TEX15: variants seen among roughly 807,000 people sequenced by gnomAD.
TEX15 encodes testis-expressed protein 15.
In TEX15, 171 loss-of-function variants were observed where a neutral mutation model predicts 237.3. The observed-to-expected ratio is 0.72, with a 90% CI of 0.64 to 0.82. The LOEUF (loss-of-function observed/expected upper bound fraction) is 0.82, where lower values mean the gene tolerates loss of function less well. TEX15 is among the 40% of genes least tolerant of loss of function. TEX15 has a pLI of 0.00. For synonymous variants in TEX15, 1,338 were observed against 1,269.8 expected (o/e 1.05, Z -1.14); for missense variants, 3,750 against 3,646.5 (o/e 1.03, Z -0.73).
chr8:30,845,810 C>A lies in TEX15; in HGVS notation c.4357G>T (p.Asp1453Tyr). 1 of 1,608,948 alleles carries A rather than the reference C, an allele frequency of 6.2e-7. No homozygotes were observed. Among genetic ancestry groups the A allele is most frequent in the South Asian group, 1.1e-5 (1 of 89,370 alleles). ...GGAGCTCTTTTCTTTCTCCGTTTGT[C>A]ATATTTTCTTTTTGACGAAAAATGC... ...TKHFSSKRKY[D>Y]KRRKKRAPKA... Residue 1453 changes from aspartate (D) to tyrosine (Y), a missense_variant, in exon 8 of 11, where the codon GAC becomes TAC. Coordinates refer to ENST00000643185, the MANE Select transcript of TEX15 (RefSeq NM_001350162.2).
Position 30,843,614 on chromosome 8 carries a change from C to A in TEX15, c.6553G>T (p.Asp2185Tyr), listed in dbSNP as rs754802025. The change falls in exon 8 of 11, where the codon GAT (aspartate) becomes TAT (tyrosine). Residue 2185 changes from aspartate (D) to tyrosine (Y), a missense_variant. By Grantham distance (160) the Asp-to-Tyr change is radical (BLOSUM62 -3). Coordinates refer to ENST00000643185, the MANE Select transcript of TEX15 (RefSeq NM_001350162.2). ...ACAGAAAGAGAAAAATCAAAGCAAT[C>A]GGAACAATGCTCCATTATGGCTTCA... ...ECEAIMEHCS[D>Y]CFDFSLSVPF... The A allele has an allele frequency of 3.7e-6, 6 of 1,612,806 alleles. No homozygotes were observed. In the South Asian group the frequency reaches 5.5e-5, roughly 15 times the overall value.
At chr8:30,864,552 T>C (rs1808117341) in intron 5 of TEX15, among the ~76,000 whole-genome samples, 2 of 151,018 alleles carry the variant, frequency 1.3e-5, no homozygotes, top group Admixed American at 6.6e-5. Context: ...GAAAAAGGTT[T>C]TACTGTAGCC....
Position 30,858,965 on chromosome 8 carries a change from C to T in TEX15, c.688-135G>A, listed in dbSNP as rs556748036. 8 of 573,918 alleles carry T rather than the reference C, an allele frequency of 1.4e-5. 1 individual carries two copies. The South Asian group carries it at 3.4e-4, about 24-fold the overall frequency. 35.6% of individuals were successfully genotyped at this position (573,918 alleles called of 1,614,324 possible). A position where few individuals can be genotyped will look rare whatever the true frequency, so the allele number is the denominator to read the frequency against. On this transcript the variant is annotated intron_variant, in intron 6 of 10. Coordinates refer to ENST00000643185, the MANE Select transcript of TEX15 (RefSeq NM_001350162.2). ...AAACTTCTCCAGCTGCCTTGTTTAA[C>T]CCTAATGTTTTTGAAGATGTACAGA...
chr8:30,875,801 T>C (rs1808388933), intron 3 of TEX15, among the ~76,000 whole-genome samples: 1 of 151,708 alleles, frequency 6.6e-6, no homozygotes, highest in Admixed American at 6.6e-5. Flanking sequence ...ACTGTGGGCA[T>C]CTGGTCAATT....
intron 4 of TEX15, among the ~76,000 whole-genome samples, chr8:30,871,952 T>C (rs1157920662): frequency 6.6e-6 from 1 of 152,096 alleles, no homozygotes; most frequent in Non-Finnish European, 1.5e-5. Flanking sequence ...TGCTAACAAT[T>C]GTCAGTATTA....
Position 30,844,927 on chromosome 8 carries a change from G to A in TEX15, c.5240C>T (p.Ser1747Phe), listed in dbSNP as rs755664225. The change falls in exon 8 of 11, where the codon TCT becomes TTT. Residue 1747 changes from serine (S) to phenylalanine (F), a missense_variant. Physicochemically the swap from Ser to Phe is radical, Grantham distance 155. Coordinates refer to ENST00000643185, the MANE Select transcript of TEX15 (RefSeq NM_001350162.2). ...TGGTACAGTACTGGATGCTGCAAAAGAATCTACAGTAAGAATTCTCTGCTT... is the reference window on the plus strand; with the variant it reads ...TGGTACAGTACTGGATGCTGCAAAAAAATCTACAGTAAGAATTCTCTGCTT... ...LDKQRILTVDSFAASSTVPHC... is the reference protein window; with the variant it reads ...LDKQRILTVDFFAASSTVPHC... 3.1e-6 allele frequency: 5 copies of A among 1,613,328 alleles called. No individual in the cohort carries two copies. The highest frequency in any genetic ancestry group is 1.6e-4 in the Middle Eastern group (1 of 6,084).
At chr8:30,888,922 G>T (rs1808723974) in intron 2 of TEX15, among the ~76,000 whole-genome samples, 1 of 152,184 alleles carries the variant, frequency 6.6e-6, no homozygotes, top group Non-Finnish European at 1.5e-5. Context: ...AGACAATAGT[G>T]GGGTACTGCT....
intron 10 of TEX15, among the ~76,000 whole-genome samples, chr8:30,835,242 T>C (rs1454350322): frequency 6.6e-6 from 1 of 152,068 alleles, no homozygotes; most frequent in Non-Finnish European, 1.5e-5. Context: ...GTAGCTGGGA[T>C]TACAGGTGTG....
rs1429105226 is a variant in TEX15, at chr8:30,848,915, TGTG to T, written c.1249_1251del (p.His417del). ...GTGACTGTGCTTGAGCCAGTATTGT[TGTG>T]AAGAGGAAAAGAAGCATTAAGACCA... is the stretch of plus-strand genomic sequence containing the variant. On this transcript the variant is annotated inframe_deletion, in exon 8 of 11. Transcript: ENST00000643185. The T allele has an allele frequency of 7.4e-6, 12 of 1,614,094 alleles. No individual in the cohort carries two copies. The highest frequency in any genetic ancestry group is 6.7e-5 in the Admixed American group (4 of 60,010).
chr8:30,872,574 G>A (rs2128772792), intron 4 of TEX15, among the ~76,000 whole-genome samples: 1 of 152,118 alleles, frequency 6.6e-6, no homozygotes, highest in East Asian at 1.9e-4. Flanking sequence ...TATTCCTGAA[G>A]AAGGCATTGT....
At chr8:30,898,378 CAAT>C (rs1808947142) in intron 2 of TEX15, among the ~76,000 whole-genome samples, 1 of 152,074 alleles carries the variant, frequency 6.6e-6, no homozygotes, top group South Asian at 2.1e-4. Flanking sequence ...TTCCACCACG[CAAT>C]AACACAATGA....
rs117362953 is a variant in TEX15 at position 30,845,223 on chromosome 8, G to C, written c.4944C>G (p.Asp1648Glu). The change falls in exon 8 of 11, where the codon GAC (aspartate) becomes GAG (glutamate). Residue 1648 changes from aspartate to glutamate, a missense_variant. By Grantham distance (45) the Asp-to-Glu change is conservative (BLOSUM62 2). Coordinates refer to ENST00000643185, the MANE Select transcript of TEX15 (RefSeq NM_001350162.2). ...TCIGHTKAKTDVLISVLDSNV... is the reference protein window; with the variant it reads ...TCIGHTKAKTEVLISVLDSNV... ...TTGAATCTAAGACTGATATAAGTACGTCAGTTTTCGCCTTTGTGTGACCTA... is the reference window on the plus strand; with the variant it reads ...TTGAATCTAAGACTGATATAAGTACCTCAGTTTTCGCCTTTGTGTGACCTA... 4.8e-3 allele frequency: 7,773 copies of C among 1,613,388 alleles called. 26 individuals are homozygous for C. Among genetic ancestry groups the C allele is most frequent in the Non-Finnish European group, 5.5e-3 (6,504 of 1,179,440 alleles).
chr8:30,844,841 T>TA lies in TEX15; in HGVS notation c.5325dup (p.Asn1776Ter). The TA allele has an allele frequency of 6.2e-7, 1 of 1,613,548 alleles. No individual in the cohort carries two copies. The highest frequency in any genetic ancestry group is 8.5e-7 in the Non-Finnish European group (1 of 1,179,604). ...TCATTCCCATCTGTATGGAGGCAAT[T>TA]ACCTGAAGAGCACTGTTCTGTCTTT... On this transcript the variant is annotated frameshift_variant, in exon 8 of 11. Coordinates refer to ENST00000643185, the MANE Select transcript of TEX15 (RefSeq NM_001350162.2). LOFTEE classifies it high-confidence loss of function.
chr8:30,843,839 A>T lies in TEX15; in HGVS notation c.6328T>A (p.Tyr2110Asn). The T allele has an allele frequency of 6.2e-7, 1 of 1,612,936 alleles. No individual in the cohort carries two copies. Among genetic ancestry groups the T allele is most frequent in the Non-Finnish European group, 8.5e-7 (1 of 1,179,418 alleles). The change falls in exon 8 of 11, where the codon TAT becomes AAT. Residue 2110 changes from tyrosine (Y) to asparagine (N), a missense_variant. Transcript: ENST00000643185. ...CGTGGTTTTCCAAGAAGCTCAGCAT[A>T]CAGTGTTTCATCATACCAAAGCAAG... is the stretch of plus-strand genomic sequence containing the variant. ...RSLLWYDETL[Y>N]AELLGKPRGF...
chr8:30,837,766 AAGC>A lies in TEX15; in HGVS notation c.8515_8517del (p.Ala2839del). 6.2e-7 allele frequency: 1 copy of A among 1,614,190 alleles called. No homozygotes were observed. Among genetic ancestry groups the A allele is most frequent in the South Asian group, 1.1e-5 (1 of 91,086 alleles). ...ACACTTTTTTGGTCACAAATTGCAA[AAGC>A]AGCACAATCTTTCTTATCACTTTTT... On this transcript the variant is annotated inframe_deletion, in exon 10 of 11. Coordinates refer to ENST00000643185, the MANE Select transcript of TEX15 (RefSeq NM_001350162.2).
intron 7 of TEX15, 138 bp from the exon 8 acceptor site, chr8:30,849,454 GA>G: frequency 2.0e-6 from 1 of 509,672 alleles, no homozygotes; most frequent in Non-Finnish European, 3.4e-6. Flanking sequence ...GTTTTCAACG[GA>G]AAAAGCAAAG....
At chr8:30,864,522 GA>G (rs1396164232) in intron 5 of TEX15, among the ~76,000 whole-genome samples, 1 of 108,858 alleles carries the variant, frequency 9.2e-6, no homozygotes, top group Non-Finnish European at 2.0e-5. Flanking sequence ...GGGAAAAAAA[GA>G]AAAAAAAAGA....
At chr8:30,856,943 C>G (rs1429158536) in intron 7 of TEX15, among the ~76,000 whole-genome samples, 1 of 152,058 alleles carries the variant, frequency 6.6e-6, no homozygotes, top group Non-Finnish European at 1.5e-5. Context: ...ATTTCTATGA[C>G]AGCAAAGGAC....
At chr8:30,912,128 G>A (rs745342319) in intron 1 of TEX15, among the ~76,000 whole-genome samples, 48 of 152,172 alleles carry the variant, frequency 3.2e-4, no homozygotes, top group Non-Finnish European at 6.8e-4. Context: ...CTACCCCCGC[G>A]CCGCCCTCAC....
Sources: allele counts gnomAD v4.1 joint callset (sites outside exome capture counted in the v4.1 genomes callset), GRCh38; gene constraint gnomAD v4.1.1; transcripts MANE v1.5; gene names NCBI Gene and HGNC (gene_info 2026-07-23, HGNC 2026-07-21).